ADGRB1: variants seen among roughly 807,000 people sequenced by gnomAD.
ADGRB1 encodes the protein adhesion G protein-coupled receptor B1.
ADGRB1 carries 36 observed loss-of-function variants against 175.7 expected under a neutral mutation model. The ratio of observed to expected loss-of-function variants is 0.20; its 90% confidence interval spans 0.16 to 0.27. ADGRB1 has a LOEUF of 0.27. Ranked by LOEUF, ADGRB1 falls within the 10% of genes least tolerant of loss-of-function variation. The pLI is 1.00. For missense variants in ADGRB1, 1,731 were observed against 2,255.3 expected (o/e 0.77, Z 4.71); for synonymous variants, 1,054 against 979.4 (o/e 1.08, Z -1.42).
intron 1 of ADGRB1, among the ~76,000 whole-genome samples, chr8:142,453,276 G>A (rs1839471573): frequency 6.6e-6 from 1 of 152,322 alleles, no homozygotes; most frequent in Non-Finnish European, 1.5e-5. Flanking sequence ...TGTGCGTGAC[G>A]GGGGCGGGTC....
intron 19 of ADGRB1, among the ~76,000 whole-genome samples, chr8:142,520,140 GGTGATGGT>G (rs1470343207): frequency 1.3e-5 from 2 of 150,262 alleles, no homozygotes; most frequent in East Asian, 4.0e-4. Context: ...TGGTGGTGAT[GGTGATGGT>G]GTGATGGTGG....
chr8:142,541,890 C>A, intron 27 of ADGRB1, 51 bp from the exon 28 acceptor site: 6 of 1,490,248 alleles, frequency 4.0e-6, no homozygotes, highest in Non-Finnish European at 5.4e-6. Context: ...CTGTCCTACG[C>A]CATCCTCACC....
intron 19 of ADGRB1, among the ~76,000 whole-genome samples, chr8:142,519,582 G>A (rs1454767087): frequency 1.3e-5 from 2 of 151,760 alleles, no homozygotes; most frequent in Non-Finnish European, 2.9e-5. Flanking sequence ...GGTGGTGGTG[G>A]TGGTGATTGT....
intron 2 of ADGRB1, among the ~76,000 whole-genome samples, chr8:142,467,246 G>A (rs906047730): frequency 6.6e-6 from 1 of 152,242 alleles, no homozygotes; most frequent in Admixed American, 6.5e-5. Flanking sequence ...CAGGGCTTTG[G>A]GCAGAAGAGC....
At position 142,489,438 on chromosome 8, in the gene ADGRB1, T is replaced by C. The variant is rs566234744; in HGVS notation, c.2631T>C (p.Asn877=). The C allele has an allele frequency of 8.1e-6, 13 of 1,612,474 alleles. No homozygotes were observed. The African/African-American group carries it at 1.7e-4, about 21-fold the overall frequency. Reference sequence around the variant, plus strand: ...AGATCGAGTTTGCCCACATGTATAATGTGAGTGCCGTCCACGTGCACACTC... The same window carrying C: ...AGATCGAGTTTGCCCACATGTATAACGTGAGTGCCGTCCACGTGCACACTC... ...PLEIEFAHMY[N]GTTNQTCILW... is the part of the protein sequence containing the mutation. Residue 877 remains asparagine, a splice_region_variant and synonymous_variant, in exon 16 of 31, where the codon AAT becomes AAC. Transcript: ENST00000517894.
intron 26 of ADGRB1, among the ~76,000 whole-genome samples, chr8:142,539,134 A>G (rs1489152197): frequency 6.6e-6 from 1 of 152,190 alleles, no homozygotes; most frequent in African/African-American, 2.4e-5. Flanking sequence ...ATACACAGAC[A>G]TATCCACAAA....
At position 142,542,197 on chromosome 8, in the gene ADGRB1, T is replaced by C. The variant is rs1845314185; in HGVS notation, c.3963T>C (p.Gly1321=). 6.2e-7 allele frequency: 1 copy of C among 1,613,516 alleles called. No individual in the cohort carries two copies. The highest frequency in any genetic ancestry group is 1.3e-5 in the African/African-American group (1 of 74,894). The change falls in exon 28 of 31, where the codon GGT becomes GGC. Residue 1321 remains glycine, a synonymous_variant. Coordinates refer to ENST00000517894, the MANE Select transcript of ADGRB1 (RefSeq NM_001702.3). The surrounding 1 kb of genome is among the most constrained non-coding windows in gnomAD (Gnocchi z 6.3). ...RDKAPKSSFV[G]DGDIFKKLDS... ...AGGCGCCCAAGTCCTCCTTCGTCGG[T>C]GACGGGGACATCTTCAAGAAGCTGG... is the stretch of plus-strand genomic sequence containing the variant.
Position 142,537,140 on chromosome 8 carries a change from T to G in ADGRB1, c.3666+58T>G, listed in dbSNP as rs1478681804. 3 of 1,327,162 alleles carry G rather than the reference T, an allele frequency of 2.3e-6. No individual in the cohort carries two copies. The highest frequency in any genetic ancestry group is 2.9e-5 in the Admixed American group (1 of 34,934). The allele number at this position is 1,327,162 out of a possible 1,614,324, so 82.2% of individuals were successfully genotyped here. A position where few individuals can be genotyped will look rare whatever the true frequency, so the allele number is the denominator to read the frequency against. ...CTACCTGCCTCGTACCCCCGCCAAG[T>G]GCCTCCAGGCCCTCACCGTGCCCCA... On this transcript the variant is annotated intron_variant, in intron 26 of 30. Transcript: ENST00000517894. The surrounding 1 kb of genome is among the most constrained non-coding windows in gnomAD (Gnocchi z 4.6).
At chr8:142,473,368 G>C (rs1025522925) in intron 2 of ADGRB1, among the ~76,000 whole-genome samples, 2 of 152,234 alleles carry the variant, frequency 1.3e-5, no homozygotes, top group Non-Finnish European at 2.9e-5. Context: ...CAGCAGATGA[G>C]ACCACTGAGG....
intron 19 of ADGRB1, among the ~76,000 whole-genome samples, chr8:142,520,582 G>A (rs1843775908): frequency 4.0e-5 from 6 of 149,740 alleles, no homozygotes; most frequent in Admixed American, 3.3e-4. Flanking sequence ...TGGTGGTGAT[G>A]GTGGTACTGA....
chr8:142,512,177 G>A (rs2132048317), intron 18 of ADGRB1, among the ~76,000 whole-genome samples: 1 of 152,352 alleles, frequency 6.6e-6, no homozygotes, highest in Admixed American at 6.5e-5. Context: ...CAGAGAGAGG[G>A]CCTTGCTCAA....
intron 27 of ADGRB1, chr8:142,540,026 C>G (rs1481503230): frequency 6.5e-6 from 1 of 153,664 alleles, no homozygotes; most frequent in Non-Finnish European, 1.4e-5. Flanking sequence ...CGCCCATCCC[C>G]AAGCATCAGA....
In ADGRB1 at chr8:142,510,363, G is replaced by A. The variant is rs1341437783; in HGVS notation, c.2676-569G>A. The stretch of plus-strand genomic sequence containing the variant: ...GGCACCAGGGGTGATGAGGCCCGGG[G>A]GAGGTGGATGTGGGGGATGGAGCGG... On this transcript the variant is annotated intron_variant, in intron 17 of 30. Coordinates refer to ENST00000517894, the MANE Select transcript of ADGRB1 (RefSeq NM_001702.3). This position sits in a 1 kb window ranked among gnomAD's most constrained non-coding sequence, Gnocchi z 6.3. Among the ~76,000 whole-genome samples the A allele has an allele frequency of 6.6e-6, 1 of 151,952 alleles. No homozygotes were observed. Among genetic ancestry groups the A allele is most frequent in the Non-Finnish European group, 1.5e-5 (1 of 67,912 alleles).
At chr8:142,451,514 AAGGCGTGTGGGCGG>A (rs1312066229) in intron 1 of ADGRB1, among the ~76,000 whole-genome samples, 4 of 151,956 alleles carry the variant, frequency 2.6e-5, no homozygotes, top group African/African-American at 4.8e-5. Flanking sequence ...GAAAGGCAGG[AAGGCGTGTGGGCGG>A]GTAGGGGGCC....
Position 142,474,732 on chromosome 8 carries a change from G to C in ADGRB1, c.785-742G>C, listed in dbSNP as rs1445617458. On this transcript the variant is annotated intron_variant, in intron 2 of 30. Transcript: ENST00000517894. This position sits in a 1 kb window ranked among gnomAD's most constrained non-coding sequence, Gnocchi z 5.8. ...CCATGAAGGCCGCGGGGACTGTCGG[G>C]GCAGGGATGGAGAAAGACTCACTAG... Among the ~76,000 whole-genome samples, 2 of 152,170 alleles carry C rather than the reference G, an allele frequency of 1.3e-5. No homozygotes were observed. Among genetic ancestry groups the C allele is most frequent in the African/African-American group, 2.4e-5 (1 of 41,448 alleles).
intron 17 of ADGRB1, among the ~76,000 whole-genome samples, chr8:142,499,471 A>C (rs765886647): frequency 2.6e-5 from 4 of 152,174 alleles, no homozygotes; most frequent in Non-Finnish European, 5.9e-5. Flanking sequence ...GCGTGCTGGG[A>C]TTCGGGGCCA....
chr8:142,518,326 T>C, intron 19 of ADGRB1, 85 bp downstream of exon 19: 1 of 1,418,902 alleles, frequency 7.0e-7, no homozygotes, highest in Non-Finnish European at 9.8e-7. Flanking sequence ...GGCGGGGTCG[T>C]GGGTGCCCCT....
At chr8:142,503,440 G>C (rs187903469) in intron 17 of ADGRB1, among the ~76,000 whole-genome samples, 195 of 152,228 alleles carry the variant, frequency 1.3e-3, no homozygotes, top group African/African-American at 4.3e-3. Flanking sequence ...CTGGCCCTTT[G>C]ACCTTGCCAC....
chr8:142,483,226 G>A (rs35459526), intron 11 of ADGRB1, among the ~76,000 whole-genome samples: 113,463 of 133,008 alleles, frequency 0.85, 47,811 homozygotes, highest in African/African-American at 0.92. Context: ...GACCCTGGTC[G>A]CACTGAGCCC....
Sources: allele counts gnomAD v4.1 joint callset (sites outside exome capture counted in the v4.1 genomes callset), GRCh38; gene constraint gnomAD v4.1.1; non-coding constraint Gnocchi (gnomAD v3.1); transcripts MANE v1.5; gene names NCBI Gene and HGNC (gene_info 2026-07-23, HGNC 2026-07-21).